GALNT5: variants seen among roughly 807,000 people sequenced by gnomAD.
The protein encoded by GALNT5 is UDP-GalNAc:polypeptide N-acetylgalactosaminyltransferase 5.
In GALNT5, 72 loss-of-function variants were observed where a neutral mutation model predicts 85.4. The ratio of observed to expected loss-of-function variants is 0.84; its 90% CI spans 0.70 to 1.03. The LOEUF is 1.03. Among genes scored for constraint, GALNT5 ranks in the 50% least tolerant of loss-of-function variants. GALNT5 has a pLI of 0.00. For missense variants in GALNT5, 1,137 were observed against 1,135.5 expected (o/e 1.00, Z -0.02); for synonymous variants, 404 against 397.0 (o/e 1.02, Z -0.21).
At chr2:157,297,982 T>A (rs1265654718) in intron 5 of GALNT5, among the ~76,000 whole-genome samples, 3 of 152,232 alleles carry the variant, frequency 2.0e-5, no homozygotes, top group African/African-American at 7.2e-5. Context: ...TTTTTATTTT[T>A]ACATAAAGAC....
At chr2:157,293,121 G>A (rs971530913) in intron 3 of GALNT5, among the ~76,000 whole-genome samples, 2 of 152,142 alleles carry the variant, frequency 1.3e-5, no homozygotes, top group Non-Finnish European at 1.5e-5. Context: ...TGTCCCAAAG[G>A]TGCCATCCCC....
At chr2:157,310,365 AAAC>A in intron 9 of GALNT5, among the ~76,000 whole-genome samples, 1 of 152,316 alleles carries the variant, frequency 6.6e-6, no homozygotes, top group South Asian at 2.1e-4. Flanking sequence ...TGTAAGTCTT[AAAC>A]AACAAGAGAA....
At chr2:157,261,948 G>C (rs1194021767) in intron 1 of GALNT5, among the ~76,000 whole-genome samples, 1 of 151,846 alleles carries the variant, frequency 6.6e-6, no homozygotes, top group Non-Finnish European at 1.5e-5. Context: ...CAGCATAAGG[G>C]GAAATTGTTA....
At chr2:157,275,567 AT>A (rs1682704776) in intron 1 of GALNT5, among the ~76,000 whole-genome samples, 1 of 152,022 alleles carries the variant, frequency 6.6e-6, no homozygotes, top group South Asian at 2.1e-4. Flanking sequence ...ATTCCTAGGT[AT>A]TTTATTCTCA....
At chr2:157,296,367 C>T (rs377407872) in intron 4 of GALNT5, 27 bp from the exon 5 acceptor site, 39 of 1,576,504 alleles carry the variant, frequency 2.5e-5, no homozygotes, top group Non-Finnish European at 3.3e-5. Flanking sequence ...TCCCAGATAA[C>T]ACTTTGTTTT....
intron 5 of GALNT5, 122 bp downstream of exon 5, chr2:157,296,635 C>A: frequency 1.4e-6 from 1 of 703,420 alleles, no homozygotes; most frequent in African/African-American, 1.8e-5. Flanking sequence ...CAGTTCTAGC[C>A]AATAGATTAC....
chr2:157,275,270 C>T (rs1379754971), intron 1 of GALNT5, among the ~76,000 whole-genome samples: 3 of 152,156 alleles, frequency 2.0e-5, no homozygotes, highest in African/African-American at 7.2e-5. Flanking sequence ...CGTGATGCCG[C>T]CAGCTTTGTT....
intron 1 of GALNT5, among the ~76,000 whole-genome samples, chr2:157,273,967 C>T (rs58962093): frequency 0.18 from 27,030 of 151,758 alleles, 5,477 homozygotes; most frequent in African/African-American, 0.5. Context: ...AATGCTATCC[C>T]TCCTCCAGCC....
intron 3 of GALNT5, among the ~76,000 whole-genome samples, chr2:157,294,630 C>G (rs1297156852): frequency 1.3e-5 from 2 of 152,084 alleles, no homozygotes; most frequent in Non-Finnish European, 2.9e-5. Flanking sequence ...GGCTGGGCAC[C>G]AAGTCTGAGT....
Position 157,313,063 on chromosome 2 carries a change from A to G in GALNT5, c.*1715A>G, listed in dbSNP as rs1259885204. The G allele has an allele frequency of 1.3e-5, 2 of 152,188 alleles. No homozygotes were observed. Among genetic ancestry groups the G allele is most frequent in the African/African-American group, 2.4e-5 (1 of 41,454 alleles). 9.4% of individuals were successfully genotyped at this position (152,188 alleles called of 1,614,324 possible). A position where few individuals can be genotyped will look rare whatever the true frequency, so the allele number is the denominator to read the frequency against. On this transcript the variant is annotated 3_prime_UTR_variant, in exon 10 of 10. Coordinates refer to ENST00000259056, the MANE Select transcript of GALNT5 (RefSeq NM_014568.3). ...AACATATTTAAGATGTTTTCTTCAT[A>G]TAATTGAAAACTGCAGATGAGTAAG... is the stretch of plus-strand genomic sequence containing the variant.
intron 1 of GALNT5, among the ~76,000 whole-genome samples, chr2:157,274,889 T>A (rs761044380): frequency 8.5e-5 from 13 of 152,222 alleles, no homozygotes; most frequent in Non-Finnish European, 1.5e-4. Context: ...GGTGTTTTAG[T>A]CATTAAGTCC....
At chr2:157,287,172 T>C (rs1049592262) in intron 3 of GALNT5, among the ~76,000 whole-genome samples, 1 of 152,194 alleles carries the variant, frequency 6.6e-6, no homozygotes, top group Non-Finnish European at 1.5e-5. Context: ...ACCTTTACTT[T>C]GGGATTAAGA....
In GALNT5 at chr2:157,311,742, C is replaced by T. The variant is rs1212705988; in HGVS notation, c.*394C>T. The stretch of plus-strand genomic sequence containing the variant: ...CACAAGTAGGAATGATCAATGAGAA[C>T]TTAACTTAGTCCTTTATTTGGGGAT... On this transcript the variant is annotated 3_prime_UTR_variant, in exon 10 of 10. Coordinates refer to ENST00000259056, the MANE Select transcript of GALNT5 (RefSeq NM_014568.3). 6.4e-6 allele frequency: 1 copy of T among 155,300 alleles called. No individual in the cohort carries two copies. Among genetic ancestry groups the T allele is most frequent in the African/African-American group, 2.4e-5 (1 of 41,480 alleles). 9.6% of individuals were successfully genotyped at this position (155,300 alleles called of 1,614,324 possible).
chr2:157,305,290 G>A (rs1032625632), intron 7 of GALNT5, among the ~76,000 whole-genome samples: 5 of 152,124 alleles, frequency 3.3e-5, no homozygotes, highest in Admixed American at 3.3e-4. Flanking sequence ...GCTGGAATCT[G>A]CTGTTCTTTG....
At position 157,314,057 on chromosome 2, in the gene GALNT5, A is replaced by C. The variant is rs1418650780; in HGVS notation, c.*2709A>C. 1 of 152,178 alleles carries C rather than the reference A, an allele frequency of 6.6e-6. No individual in the cohort carries two copies. The highest frequency in any genetic ancestry group is 2.4e-5 in the African/African-American group (1 of 41,452). 9.4% of individuals were successfully genotyped at this position (152,178 alleles called of 1,614,324 possible). A position where few individuals can be genotyped will look rare whatever the true frequency, so the allele number is the denominator to read the frequency against. On this transcript the variant is annotated 3_prime_UTR_variant, in exon 10 of 10. Transcript: ENST00000259056. Reference sequence around the variant, plus strand: ...TTCTAAATTTTTTCAGGAGATTAGAATAAAGGTATACATGCTACTCGGTCT... The same window carrying C: ...TTCTAAATTTTTTCAGGAGATTAGACTAAAGGTATACATGCTACTCGGTCT...
rs1443094818 is a variant in GALNT5, at chr2:157,257,852, G to A, written c.-231G>A. On this transcript the variant is annotated 5_prime_UTR_variant, in exon 1 of 10. Transcript: ENST00000259056. Reference sequence around the variant, plus strand: ...CAGTGTTTATCAGAACTTAGCCAGGGCCAGCCAAGCAGGCACAGATGCTCT... The same window carrying A: ...CAGTGTTTATCAGAACTTAGCCAGGACCAGCCAAGCAGGCACAGATGCTCT... The A allele has an allele frequency of 1.8e-6, 1 of 556,908 alleles. No individual in the cohort carries two copies. Among genetic ancestry groups the A allele is most frequent in the Non-Finnish European group, 3.2e-6 (1 of 310,686 alleles). The allele number at this position is 556,908 out of a possible 1,614,324, so 34.5% of individuals were successfully genotyped here. A position where few individuals can be genotyped will look rare whatever the true frequency, so the allele number is the denominator to read the frequency against.
At chr2:157,290,112 T>TACACATACACACAC (rs1553462999) in intron 3 of GALNT5, among the ~76,000 whole-genome samples, 1 of 138,256 alleles carries the variant, frequency 7.2e-6, no homozygotes, top group African/African-American at 3.1e-5. Flanking sequence ...TATATATATA[T>TACACATACACACAC]ACATACACAA....
At position 157,264,174 on chromosome 2, in the gene GALNT5, T is replaced by TACAC. The variant is rs59575957; in HGVS notation, c.1454+4665_1454+4668dup. ...TTCTGTCAGCAACAATCAACACACA[T>TACAC]ACACACACACACACACACACACACA... is the stretch of plus-strand genomic sequence containing the variant. On this transcript the variant is annotated intron_variant, in intron 1 of 9. Coordinates refer to ENST00000259056, the MANE Select transcript of GALNT5 (RefSeq NM_014568.3). 2.0e-3 allele frequency among the ~76,000 whole-genome samples: 293 copies of TACAC among 144,698 alleles called. 3 individuals are homozygous for TACAC. Among genetic ancestry groups the TACAC allele is most frequent in the South Asian group, 0.011 (51 of 4,442 alleles). The allele number at this position is 144,698 out of a possible 152,430, so 94.9% of individuals were successfully genotyped here.
intron 9 of GALNT5, among the ~76,000 whole-genome samples, chr2:157,310,505 G>C (rs1212633608): frequency 6.6e-6 from 1 of 152,030 alleles, no homozygotes; most frequent in East Asian, 1.9e-4. Context: ...AGTCACCCCT[G>C]TTTGATAACT....
Sources: allele counts gnomAD v4.1 joint callset (sites outside exome capture counted in the v4.1 genomes callset), GRCh38; gene constraint gnomAD v4.1.1; transcripts MANE v1.5; gene names NCBI Gene and HGNC (gene_info 2026-07-23, HGNC 2026-07-21).